SLC35F4: variants seen among roughly 807,000 people sequenced by gnomAD.
The protein encoded by SLC35F4 is solute carrier family 35 member F4, also known as chromosome 14 open reading frame 36.
In SLC35F4, 24 loss-of-function variants were observed where a neutral mutation model predicts 44.2. That is an observed-to-expected ratio of 0.54 (90% CI 0.39 to 0.76). SLC35F4 has a LOEUF of 0.76. Ranked by LOEUF, SLC35F4 falls within the 30% of genes least tolerant of loss-of-function variation. The pLI, the probability that SLC35F4 is intolerant of heterozygous loss-of-function variation, is 0.00. For synonymous variants in SLC35F4, 238 were observed against 223.6 expected, an observed-to-expected ratio of 1.06 and a Z score of -0.57; for missense variants, 562 against 586.1, an observed-to-expected ratio of 0.96 and a Z score of 0.42.
chr14:57,963,087 C>T (rs1890368623), intron 1 of SLC35F4, among the ~76,000 whole-genome samples: 1 of 152,178 alleles, frequency 6.6e-6, no homozygotes. Context: ...AAAGGTCACT[C>T]CTTCATCTAG....
chr14:57,871,622 G>T (rs1328335130), intron 1 of SLC35F4, among the ~76,000 whole-genome samples: 1 of 152,160 alleles, frequency 6.6e-6, no homozygotes, highest in African/African-American at 2.4e-5. Context: ...TGCTGTGGTA[G>T]TCATTGTTAC....
chr14:57,960,545 C>T (rs1280808382), intron 1 of SLC35F4, among the ~76,000 whole-genome samples: 2 of 152,156 alleles, frequency 1.3e-5, no homozygotes, highest in African/African-American at 2.4e-5. Context: ...TAAGAATGCT[C>T]AATTATGAGA....
intron 1 of SLC35F4, among the ~76,000 whole-genome samples, chr14:57,648,077 G>C (rs2073619968): frequency 6.6e-6 from 1 of 152,138 alleles, no homozygotes; most frequent in African/African-American, 2.4e-5. Flanking sequence ...GTCTAGCTCT[G>C]ATTTTACTGT....
chr14:57,715,150 T>A (rs943528835), intron 1 of SLC35F4, among the ~76,000 whole-genome samples: 7 of 152,020 alleles, frequency 4.6e-5, no homozygotes, highest in Non-Finnish European at 1.0e-4. Context: ...GATAACCCAG[T>A]CTGCAGGGTT....
intron 1 of SLC35F4, among the ~76,000 whole-genome samples, chr14:57,632,910 T>G (rs1030964810): frequency 6.6e-6 from 1 of 152,046 alleles, no homozygotes; most frequent in Non-Finnish European, 1.5e-5. Context: ...CTCCCTTCAA[T>G]CTATGACAAC....
intron 7 of SLC35F4, among the ~76,000 whole-genome samples, chr14:57,565,227 A>C (rs1267093113): frequency 6.6e-6 from 1 of 152,070 alleles, no homozygotes; most frequent in Non-Finnish European, 1.5e-5. Flanking sequence ...CTCTGTTTTC[A>C]CTTTTTTGGG....
At chr14:57,850,947 T>C (rs1353173249) in intron 1 of SLC35F4, among the ~76,000 whole-genome samples, 2 of 152,204 alleles carry the variant, frequency 1.3e-5, no homozygotes, top group Non-Finnish European at 2.9e-5. Flanking sequence ...ATTCAACTTG[T>C]AGGATCAGGA....
intron 3 of SLC35F4, among the ~76,000 whole-genome samples, chr14:57,585,232 C>T (rs2069613712): frequency 6.6e-6 from 1 of 151,902 alleles, no homozygotes; most frequent in African/African-American, 2.4e-5. Flanking sequence ...CTTTGGGAGG[C>T]CAAAAACCGC....
intron 1 of SLC35F4, among the ~76,000 whole-genome samples, chr14:57,685,607 AG>A (rs2140316086): frequency 6.6e-6 from 1 of 152,272 alleles, no homozygotes; most frequent in African/African-American, 2.4e-5. Context: ...GCTTCTTTAC[AG>A]TCCTAAACAG....
At chr14:57,659,759 A>G (rs1182732579) in intron 1 of SLC35F4, among the ~76,000 whole-genome samples, 1 of 152,234 alleles carries the variant, frequency 6.6e-6, no homozygotes, top group Admixed American at 6.5e-5. Context: ...ATTTTTAAAA[A>G]TGACGTGAGG....
intron 1 of SLC35F4, among the ~76,000 whole-genome samples, chr14:57,675,121 C>T (rs965021556): frequency 7.9e-5 from 12 of 152,030 alleles, no homozygotes; most frequent in Non-Finnish European, 1.6e-4. Context: ...CAGTGCTTTC[C>T]TCTGGTGGTG....
chr14:57,872,307 T>A (rs1382679443), intron 1 of SLC35F4, among the ~76,000 whole-genome samples: 2 of 152,142 alleles, frequency 1.3e-5, no homozygotes, highest in African/African-American at 4.8e-5. Flanking sequence ...TGCCCTGAAA[T>A]AATACAGAGG....
intron 1 of SLC35F4, among the ~76,000 whole-genome samples, chr14:57,728,977 T>A (rs948831362): frequency 1.3e-5 from 2 of 152,224 alleles, no homozygotes; most frequent in East Asian, 3.9e-4. Context: ...AAATATGTAA[T>A]GCCACTCTCT....
At chr14:57,801,231 G>T (rs752672240) in intron 1 of SLC35F4, among the ~76,000 whole-genome samples, 1 of 152,304 alleles carries the variant, frequency 6.6e-6, no homozygotes, top group South Asian at 2.1e-4. Flanking sequence ...TGAAAGAAAA[G>T]AATTTCCAAA....
At chr14:57,840,625 A>G (rs1269730463) in intron 1 of SLC35F4, among the ~76,000 whole-genome samples, 3 of 152,218 alleles carry the variant, frequency 2.0e-5, no homozygotes, top group African/African-American at 7.2e-5. Flanking sequence ...TTCATTTTAA[A>G]GAGCTAAAGG....
chr14:57,613,260 CA>C (rs1271810441), intron 1 of SLC35F4, among the ~76,000 whole-genome samples: 1 of 152,158 alleles, frequency 6.6e-6, no homozygotes, highest in African/African-American at 2.4e-5. Flanking sequence ...GGCTTTTAAG[CA>C]AATCTTACTA....
intron 1 of SLC35F4, among the ~76,000 whole-genome samples, chr14:57,879,460 C>G (rs527468254): frequency 5.3e-5 from 8 of 152,130 alleles, no homozygotes; most frequent in African/African-American, 1.9e-4. Flanking sequence ...AATAGGGTTC[C>G]CTGCTCTTAC....
Position 57,881,076 on chromosome 14 carries a change from G to GAACA in SLC35F4, n.282+100833_282+100836dup, listed in dbSNP as rs554537442. On this transcript the variant is annotated intron_variant and non_coding_transcript_variant, in intron 1 of 1. Coordinates refer to the SLC35F4 transcript ENST00000556568. Reference sequence around the variant, plus strand: ...ATTCTCATGATATCCCTGACACTGGGAACAAATGCCCTCTCTACTCTGATC... The same window carrying GAACA: ...ATTCTCATGATATCCCTGACACTGGGAACAAACAAATGCCCTCTCTACTCTGATC... 5.2e-3 allele frequency among the ~76,000 whole-genome samples: 785 copies of GAACA among 152,224 alleles called. 3 individuals carry two copies. Among genetic ancestry groups the GAACA allele is most frequent in the African/African-American group, 0.017 (726 of 41,546 alleles).
intron 1 of SLC35F4, among the ~76,000 whole-genome samples, chr14:57,665,096 ACTC>A (rs1389469561): frequency 2.0e-5 from 3 of 150,254 alleles, no homozygotes; most frequent in African/African-American, 7.4e-5. Flanking sequence ...TTTGTCATCC[ACTC>A]CTCATATTTT....
Sources: gnomAD v4.1 joint callset for allele counts (sites outside exome capture counted in the v4.1 genomes callset) on GRCh38, gnomAD v4.1.1 for gene constraint, MANE v1.5 for transcripts, NCBI Gene and HGNC (gene_info 2026-07-23, HGNC 2026-07-21) for gene names.